Variants in SLC30A4 observed in about 807,000 individuals in gnomAD.
The protein encoded by SLC30A4 is probable proton-coupled zinc antiporter SLC30A4.
Under a neutral mutation model 41.7 loss-of-function variants are expected in SLC30A4, and 20 were observed. The observed-to-expected ratio is 0.48, with a 90% CI of 0.34 to 0.70. SLC30A4 has a LOEUF of 0.70. Ranked by LOEUF, SLC30A4 falls within the 30% of genes least tolerant of loss-of-function variation. The pLI, the probability that SLC30A4 is intolerant of heterozygous loss-of-function variation, is 0.01. For missense variants in SLC30A4, 441 were observed against 529.3 expected (o/e 0.83, Z 1.64); for synonymous variants, 181 against 195.9 (o/e 0.92, Z 0.64).
intron 4 of SLC30A4, 59 bp downstream of exon 4, chr15:45,490,669 G>T: frequency 9.1e-7 from 1 of 1,098,358 alleles, no homozygotes; most frequent in South Asian, 1.6e-5. Context: ...GAATGCATAT[G>T]CAATAGTCTC....
At chr15:45,486,795 A>T (rs768455550) in intron 6 of SLC30A4, 50 bp from the exon 7 acceptor site, 8 of 1,068,812 alleles carry the variant, frequency 7.5e-6, no homozygotes, top group Non-Finnish European at 1.0e-5. Flanking sequence ...GAAATAAAGG[A>T]ACTTTTACAT....
chr15:45,511,113 A>G (rs891727037), intron 3 of SLC30A4, 25 bp downstream of exon 3: 7 of 1,591,792 alleles, frequency 4.4e-6, no homozygotes, highest in Non-Finnish European at 6.0e-6. Flanking sequence ...AATATTATAA[A>G]GCAAAAGAAA....
At chr15:45,485,688 A>G (rs766470674) in intron 7 of SLC30A4, among the ~76,000 whole-genome samples, 7 of 151,670 alleles carry the variant, frequency 4.6e-5, no homozygotes, top group Non-Finnish European at 8.8e-5. Flanking sequence ...AGCTTTTCCT[A>G]TGTAGAAAAG....
At chr15:45,500,523 C>T (rs1029515695) in intron 3 of SLC30A4, among the ~76,000 whole-genome samples, 9 of 152,046 alleles carry the variant, frequency 5.9e-5, no homozygotes, top group African/African-American at 2.4e-5. Context: ...AAAAAATTCC[C>T]TTCTGACAAA....
chr15:45,521,441 A>G (rs1892663588), intron 2 of SLC30A4, among the ~76,000 whole-genome samples: 2 of 152,114 alleles, frequency 1.3e-5, no homozygotes, highest in Non-Finnish European at 2.9e-5. Flanking sequence ...AATGTAGAGG[A>G]AAAAAATGCT....
chr15:45,495,673 GA>G (rs1204499565), intron 3 of SLC30A4, among the ~76,000 whole-genome samples: 3 of 152,166 alleles, frequency 2.0e-5, no homozygotes, highest in Admixed American at 1.3e-4. Flanking sequence ...CGCATGAACA[GA>G]GCTCCTTGGC....
chr15:45,490,587 A>G, intron 4 of SLC30A4, 141 bp downstream of exon 4: 1 of 529,108 alleles, frequency 1.9e-6, no homozygotes. Flanking sequence ...TAACGTCCAT[A>G]GTGTTTCATT....
chr15:45,485,891 TA>T (rs1476164192), intron 7 of SLC30A4, among the ~76,000 whole-genome samples: 4 of 151,732 alleles, frequency 2.6e-5, no homozygotes, highest in African/African-American at 9.7e-5. Context: ...CTAATTTTTG[TA>T]TTTTTTAGTA....
At chr15:45,490,700 A>T in intron 4 of SLC30A4, 28 bp downstream of exon 4, 1 of 1,532,872 alleles carries the variant, frequency 6.5e-7, no homozygotes. Context: ...GTACTTGAAA[A>T]TATTAATGTG....
intron 3 of SLC30A4, among the ~76,000 whole-genome samples, chr15:45,503,851 C>G (rs1050185488): frequency 2.0e-5 from 3 of 152,006 alleles, no homozygotes; most frequent in Admixed American, 6.6e-5. Flanking sequence ...GAGGCTCAGA[C>G]AGGAGAATCG....
rs77966458 is a variant in SLC30A4 at position 45,496,836 on chromosome 15, T to TATAAATAAATAA, written c.539-5967_539-5956dup. 3.0e-3 allele frequency among the ~76,000 whole-genome samples: 411 copies of TATAAATAAATAA among 137,104 alleles called. 3 individuals carry two copies. The highest frequency in any genetic ancestry group is 5.0e-3 in the Non-Finnish European group (323 of 64,030). The allele number at this position is 137,104 out of a possible 152,430, so 89.9% of individuals were successfully genotyped here. On this transcript the variant is annotated intron_variant, in intron 3 of 7. Transcript: ENST00000261867. ...CATGGTGAAATCCCATCTCTGAAAA[T>TATAAATAAATAA]ATAAATAAATAAATAAATAAATAAA...
intron 4 of SLC30A4, among the ~76,000 whole-genome samples, chr15:45,490,063 T>C (rs1891780342): frequency 6.6e-6 from 1 of 152,206 alleles, no homozygotes; most frequent in African/African-American, 2.4e-5. Flanking sequence ...GTCTAAATGA[T>C]TAAATCTGTT....
intron 3 of SLC30A4, among the ~76,000 whole-genome samples, chr15:45,501,694 G>A (rs1005656196): frequency 3.9e-5 from 6 of 152,066 alleles, no homozygotes; most frequent in African/African-American, 1.4e-4. Context: ...TGTAAAGATA[G>A]GGGTCTCGCT....
chr15:45,515,729 C>T (rs1386411806), intron 2 of SLC30A4: 2 of 150,836 alleles, frequency 1.3e-5, no homozygotes, highest in Admixed American at 6.6e-5. Context: ...AAGCTTTTTT[C>T]GTTACCCTGA....
chr15:45,515,702 A>G (rs1001564191), intron 2 of SLC30A4: 21 of 151,042 alleles, frequency 1.4e-4, no homozygotes, highest in African/African-American at 4.6e-4. Context: ...AATTTCAACT[A>G]TGTTTTTATT....
chr15:45,514,510 ATTTT>A (rs751585996), intron 2 of SLC30A4, among the ~76,000 whole-genome samples: 7 of 125,020 alleles, frequency 5.6e-5, no homozygotes, highest in African/African-American at 1.6e-4. Flanking sequence ...TGATATTCCA[ATTTT>A]TTTTTTTTTT....
intron 2 of SLC30A4, among the ~76,000 whole-genome samples, chr15:45,517,984 A>C (rs74836024): frequency 2.9e-4 from 44 of 152,286 alleles, no homozygotes; most frequent in Non-Finnish European, 5.4e-4. Context: ...AAAAACCCTT[A>C]TCTGGCTTTC....
At chr15:45,495,883 C>A (rs763479389) in intron 3 of SLC30A4, among the ~76,000 whole-genome samples, 3 of 152,150 alleles carry the variant, frequency 2.0e-5, no homozygotes, top group Non-Finnish European at 2.9e-5. Flanking sequence ...AATGATATCC[C>A]TTTTCTAGTC....
Position 45,522,367 on chromosome 15 carries a change from G to T in SLC30A4, c.-13C>A. The T allele has an allele frequency of 6.3e-7, 1 of 1,591,110 alleles. No homozygotes were observed. Among genetic ancestry groups the T allele is most frequent in the African/African-American group, 1.4e-5 (1 of 73,902 alleles). Reference sequence around the variant, plus strand: ...CAGAGCCGGCCATGGCAGAGGCTGAGCGGCCGCGGTGCGGAACGGCTTGGG... The same window carrying T: ...CAGAGCCGGCCATGGCAGAGGCTGATCGGCCGCGGTGCGGAACGGCTTGGG... On this transcript the variant is annotated 5_prime_UTR_variant, in exon 2 of 8. Transcript: ENST00000261867.
Sources: allele counts gnomAD v4.1 joint callset (sites outside exome capture counted in the v4.1 genomes callset), GRCh38; gene constraint gnomAD v4.1.1; transcripts MANE v1.5; gene names NCBI Gene and HGNC (gene_info 2026-07-23, HGNC 2026-07-21).